The following GRID2 variants were observed in gnomAD, a reference collection of about 807,000 sequenced individuals.
The protein encoded by GRID2 is glutamate ionotropic receptor delta type subunit 2.
A neutral mutation model predicts 114.8 loss-of-function variants in GRID2; 33 were observed. The ratio of observed to expected loss-of-function variants is 0.29; its 90% CI spans 0.22 to 0.38. GRID2 has a LOEUF of 0.38. GRID2 is among the 10% of genes least tolerant of loss of function. GRID2 has a pLI of 1.00. For missense variants in GRID2, 1,184 were observed against 1,257.7 expected, an observed-to-expected ratio of 0.94 and a Z score of 0.89; for synonymous variants, 505 against 449.9, an observed-to-expected ratio of 1.12 and a Z score of -1.55.
intron 2 of GRID2, among the ~76,000 whole-genome samples, chr4:93,072,438 C>A (rs1728891506): frequency 1.3e-5 from 2 of 151,960 alleles, no homozygotes; most frequent in South Asian, 4.1e-4. Context: ...TACTTATTTG[C>A]AGGCTATTGA....
At chr4:93,722,870 G>T (rs1342246964) in intron 14 of GRID2, among the ~76,000 whole-genome samples, 1 of 152,158 alleles carries the variant, frequency 6.6e-6, no homozygotes, top group African/African-American at 2.4e-5. Context: ...CTACTAAAAA[G>T]TTTTCAATGT....
At chr4:92,948,103 A>AT (rs893537289) in intron 2 of GRID2, among the ~76,000 whole-genome samples, 1 of 151,796 alleles carries the variant, frequency 6.6e-6, no homozygotes, top group Admixed American at 6.6e-5. Flanking sequence ...GCTCCTAATA[A>AT]TTTTTTTATA....
chr4:93,349,860 A>C (rs1760620086), intron 8 of GRID2, among the ~76,000 whole-genome samples: 1 of 152,130 alleles, frequency 6.6e-6, no homozygotes, highest in Non-Finnish European at 1.5e-5. Context: ...AAGTAGACAA[A>C]TATTATACCT....
chr4:92,701,227 T>G (rs1302586656), intron 2 of GRID2, among the ~76,000 whole-genome samples: 1 of 152,200 alleles, frequency 6.6e-6, no homozygotes, highest in East Asian at 1.9e-4. Flanking sequence ...GCTTTGTGTC[T>G]AATGCATAAT....
chr4:92,652,306 T>C (rs1731980737), intron 2 of GRID2, among the ~76,000 whole-genome samples: 1 of 152,050 alleles, frequency 6.6e-6, no homozygotes, highest in South Asian at 2.1e-4. Context: ...ACAGAAATAA[T>C]GTTTTACCAG....
At chr4:93,753,862 T>C (rs181763164) in intron 14 of GRID2, among the ~76,000 whole-genome samples, 2 of 152,354 alleles carry the variant, frequency 1.3e-5, no homozygotes, top group African/African-American at 2.4e-5. Context: ...AGCTGTAATT[T>C]AGTGCTTAAT....
At chr4:92,944,026 G>A (rs776465754) in intron 2 of GRID2, among the ~76,000 whole-genome samples, 42 of 152,188 alleles carry the variant, frequency 2.8e-4, no homozygotes, top group Non-Finnish European at 5.6e-4. Flanking sequence ...GGCTACTCAG[G>A]GGTCAGGGAC....
chr4:92,991,544 T>C (rs2149204330), intron 2 of GRID2, among the ~76,000 whole-genome samples: 1 of 152,326 alleles, frequency 6.6e-6, no homozygotes, highest in Non-Finnish European at 1.5e-5. Flanking sequence ...GAATCGAATG[T>C]CTCAAGTTGG....
In GRID2 at chr4:92,974,515, G is replaced by T. The variant is rs543828655; in HGVS notation, c.245-110480G>T. The stretch of plus-strand genomic sequence containing the variant: ...TGGAATACTTTGCAGCCATAAAAAA[G>T]GATGAGTTAATGTCCATTGCAGGGA... On this transcript the variant is annotated intron_variant, in intron 2 of 15. Transcript: ENST00000282020. 7.9e-5 allele frequency among the ~76,000 whole-genome samples: 12 copies of T among 152,094 alleles called. No homozygotes were observed. The South Asian group carries it at 2.5e-3, about 32-fold the overall frequency.
At position 93,354,023 on chromosome 4, in the gene GRID2, GCA is replaced by G. The variant is rs72026131; in HGVS notation, c.1246-41565_1246-41564del. Among the ~76,000 whole-genome samples the G allele has an allele frequency of 2.4e-3, 236 of 99,868 alleles. 1 individual carries two copies. Among genetic ancestry groups the G allele is most frequent in the East Asian group, 0.013 (62 of 4,620 alleles). The allele number at this position is 99,868 out of a possible 152,430, so 65.5% of individuals were successfully genotyped here. On this transcript the variant is annotated intron_variant, in intron 8 of 15. Transcript: ENST00000282020. Reference sequence around the variant, plus strand: ...TAAATGTACACACAAGCACACACATGCACACACACACACACACACATATGCCA... The same window carrying G: ...TAAATGTACACACAAGCACACACATGCACACACACACACACACATATGCCA...
intron 7 of GRID2, among the ~76,000 whole-genome samples, chr4:93,229,346 C>T (rs1745852798): frequency 6.6e-6 from 1 of 152,140 alleles, no homozygotes; most frequent in African/African-American, 2.4e-5. Context: ...GAGGGAGTGG[C>T]CTGGGCCTTT....
chr4:92,682,411 C>T (rs1579833104), intron 2 of GRID2, among the ~76,000 whole-genome samples: 1 of 152,194 alleles, frequency 6.6e-6, no homozygotes, highest in East Asian at 1.9e-4. Flanking sequence ...TTTGGTAAGC[C>T]CAGAGATCTG....
chr4:93,521,523 A>C (rs1385956302), intron 13 of GRID2, among the ~76,000 whole-genome samples: 1 of 152,110 alleles, frequency 6.6e-6, no homozygotes, highest in Non-Finnish European at 1.5e-5. Context: ...GATGCTCATG[A>C]TAAAGGGTGA....
chr4:93,466,276 A>G (rs72668741), intron 11 of GRID2, among the ~76,000 whole-genome samples: 2,167 of 152,268 alleles, frequency 0.014, 19 homozygotes, highest in South Asian at 0.055. Context: ...TTATTTTGAT[A>G]TTCTCATAGT....
intron 2 of GRID2, among the ~76,000 whole-genome samples, chr4:92,728,194 T>A (rs1215599202): frequency 2.0e-5 from 3 of 152,178 alleles, no homozygotes; most frequent in African/African-American, 7.2e-5. Context: ...GAACCTCTTA[T>A]AATTTTCTAC....
intron 2 of GRID2, among the ~76,000 whole-genome samples, chr4:93,036,618 T>C (rs557962211): frequency 1.3e-5 from 2 of 152,294 alleles, no homozygotes; most frequent in Non-Finnish European, 2.9e-5. Flanking sequence ...AATAATGTTA[T>C]CAGAAAACAC....
At chr4:93,299,733 G>A (rs527777624) in intron 8 of GRID2, among the ~76,000 whole-genome samples, 15 of 151,462 alleles carry the variant, frequency 9.9e-5, no homozygotes, top group African/African-American at 2.9e-4. Flanking sequence ...GATTAAATCT[G>A]GATTTCTTTA....
intron 8 of GRID2, among the ~76,000 whole-genome samples, chr4:93,361,897 C>A (rs1038608807): frequency 4.6e-5 from 7 of 152,034 alleles, no homozygotes; most frequent in African/African-American, 1.2e-4. Flanking sequence ...CATAGGTAAA[C>A]GTGTGCTATG....
intron 2 of GRID2, among the ~76,000 whole-genome samples, chr4:92,913,601 T>G (rs143994144): frequency 8.6e-5 from 13 of 152,018 alleles, no homozygotes; most frequent in Non-Finnish European, 1.3e-4. Flanking sequence ...GTAATTAGAC[T>G]GTATACGGGC....
Sources: gnomAD v4.1 joint callset for allele counts (sites outside exome capture counted in the v4.1 genomes callset) on GRCh38, gnomAD v4.1.1 for gene constraint, MANE v1.5 for transcripts, NCBI Gene and HGNC (gene_info 2026-07-23, HGNC 2026-07-21) for gene names.